SP4: variants seen among roughly 807,000 people sequenced by gnomAD.
SP4 encodes the protein transcription factor Sp4.
Under a neutral mutation model 72.8 loss-of-function variants are expected in SP4, and 19 were observed. The observed-to-expected ratio is 0.26, with a 90% CI of 0.18 to 0.38. SP4 has a LOEUF of 0.38. Ranked by LOEUF, SP4 falls within the 10% of genes least tolerant of loss-of-function variation. The probability of loss-of-function intolerance (pLI) is 1.00; values close to 1 mark genes in which losing one functional copy is unlikely to be tolerated. For missense variants in SP4, 1,008 were observed against 926.3 expected, an observed-to-expected ratio of 1.09 and a Z score of -1.14; for synonymous variants, 395 against 333.1, an observed-to-expected ratio of 1.19 and a Z score of -2.02.
At chr7:21,438,085 C>G (rs1783110158) in intron 3 of SP4, among the ~76,000 whole-genome samples, 1 of 150,458 alleles carries the variant, frequency 6.6e-6, no homozygotes, top group African/African-American at 2.5e-5. Flanking sequence ...CAAAGACAGA[C>G]TAGAGTTACA....
chr7:21,431,221 T>C (rs749078409), intron 3 of SP4, among the ~76,000 whole-genome samples: 6 of 152,218 alleles, frequency 3.9e-5, no homozygotes, highest in Non-Finnish European at 4.4e-5. Context: ...AGTTTTAAAC[T>C]GAATTGGTAT....
chr7:21,498,186 A>G (rs923321689), intron 5 of SP4, among the ~76,000 whole-genome samples: 2 of 152,212 alleles, frequency 1.3e-5, no homozygotes, highest in African/African-American at 4.8e-5. Context: ...TTGAAAAAAT[A>G]AAAACTGTAA....
Position 21,429,600 on chromosome 7 carries a change from T to G in SP4, c.435T>G (p.Ser145=), listed in dbSNP as rs1285227556. The G allele has an allele frequency of 4.3e-6, 7 of 1,614,078 alleles. No homozygotes were observed. The African/African-American group carries it at 9.3e-5, about 22-fold the overall frequency. The change falls in exon 3 of 6, where the codon TCT becomes TCG. Residue 145 remains serine (S), a synonymous_variant. Transcript: ENST00000222584. ...CTACAAAAACTAAATCAGGTAATTC[T>G]TCCACCCCTGGTCAATTTCAAGTCA... ...ASPTKTKSGN[S]STPGQFQVIQ... is the part of the protein sequence containing the mutation.
At chr7:21,444,223 C>T (rs960104164) in intron 3 of SP4, among the ~76,000 whole-genome samples, 1 of 152,196 alleles carries the variant, frequency 6.6e-6, no homozygotes, top group African/African-American at 2.4e-5. Flanking sequence ...TAACATGGGA[C>T]TGAACTCCTG....
intron 3 of SP4, among the ~76,000 whole-genome samples, chr7:21,474,251 T>C (rs1209026100): frequency 1.3e-5 from 2 of 152,188 alleles, no homozygotes; most frequent in Admixed American, 6.5e-5. Context: ...TAAATATTAT[T>C]GCGACCTTTA....
intron 3 of SP4, among the ~76,000 whole-genome samples, chr7:21,464,607 G>A (rs1450453227): frequency 4.7e-5 from 7 of 147,808 alleles, no homozygotes; most frequent in Non-Finnish European, 7.4e-5. Flanking sequence ...TAGAGATGGG[G>A]TCTTACTGTG....
chr7:21,491,354 T>C (rs997622241), intron 5 of SP4, among the ~76,000 whole-genome samples: 24 of 152,068 alleles, frequency 1.6e-4, no homozygotes, highest in African/African-American at 5.3e-4. Context: ...CACTGGAAAT[T>C]ATAAAATCTG....
chr7:21,477,247 C>T lies in SP4; in HGVS notation c.1847C>T (p.Pro616Leu). ...GQQTSDQEVQ[P>L]GKRLRRVACS... The stretch of plus-strand genomic sequence containing the variant: ...CAGACTTCTGATCAAGAGGTACAAC[C>T]TGGCAAGAGGCTTCGAAGAGTTGCC... Residue 616 changes from proline (P) to leucine (L), a missense_variant, in exon 4 of 6, where the codon CCT (proline) becomes CTT (leucine). Physicochemically the swap from Pro to Leu is moderately conservative, Grantham distance 98 (BLOSUM62 -3). Coordinates refer to ENST00000222584, the MANE Select transcript of SP4 (RefSeq NM_003112.5). The T allele has an allele frequency of 1.9e-6, 3 of 1,614,200 alleles. No homozygotes were observed. The highest frequency in any genetic ancestry group is 2.5e-6 in the Non-Finnish European group (3 of 1,180,018).
At chr7:21,473,164 A>G (rs1784399866) in intron 3 of SP4, among the ~76,000 whole-genome samples, 1 of 151,612 alleles carries the variant, frequency 6.6e-6, no homozygotes, top group Non-Finnish European at 1.5e-5. Flanking sequence ...GCACAGATTG[A>G]ACAAGGGCTT....
intron 5 of SP4, among the ~76,000 whole-genome samples, chr7:21,503,976 A>G (rs1343950026): frequency 2.0e-5 from 3 of 152,118 alleles, no homozygotes; most frequent in African/African-American, 7.2e-5. Context: ...TTATTTCAGG[A>G]AGTACCCATT....
At chr7:21,470,200 C>T (rs1440065422) in intron 3 of SP4, among the ~76,000 whole-genome samples, 2 of 152,190 alleles carry the variant, frequency 1.3e-5, no homozygotes, top group Non-Finnish European at 2.9e-5. Context: ...TTTAGATTAT[C>T]ATTCGCTTTA....
intron 3 of SP4, chr7:21,471,217 T>C (rs1035154773): frequency 2.1e-6 from 1 of 468,950 alleles, no homozygotes. Context: ...TAAGAAATAC[T>C]GACCTTATTG....
At chr7:21,493,516 A>T (rs1031626221) in intron 5 of SP4, among the ~76,000 whole-genome samples, 1 of 152,136 alleles carries the variant, frequency 6.6e-6, no homozygotes, top group East Asian at 1.9e-4. Flanking sequence ...AATTCAAAAT[A>T]AGAAGTTGGG....
chr7:21,504,418 T>A (rs150410121), intron 5 of SP4, among the ~76,000 whole-genome samples: 25 of 152,318 alleles, frequency 1.6e-4, no homozygotes, highest in African/African-American at 5.5e-4. Flanking sequence ...ATTTACAGAT[T>A]TGGGCTGACC....
chr7:21,474,884 A>G (rs975838603), intron 3 of SP4, among the ~76,000 whole-genome samples: 2 of 152,214 alleles, frequency 1.3e-5, no homozygotes, highest in African/African-American at 4.8e-5. Flanking sequence ...AAATTTTTTA[A>G]TGTGCATGTT....
At chr7:21,503,400 A>C (rs888318215) in intron 5 of SP4, among the ~76,000 whole-genome samples, 1 of 152,138 alleles carries the variant, frequency 6.6e-6, no homozygotes, top group Non-Finnish European at 1.5e-5. Context: ...ATTTGGTTCA[A>C]GGCATTTTAG....
intron 5 of SP4, among the ~76,000 whole-genome samples, chr7:21,501,841 C>T (rs1296760465): frequency 6.6e-6 from 1 of 152,192 alleles, no homozygotes; most frequent in East Asian, 1.9e-4. Flanking sequence ...CTAGCGCAAG[C>T]CTGTTTTCCC....
chr7:21,437,585 A>T (rs1330610906), intron 3 of SP4, among the ~76,000 whole-genome samples: 1 of 152,146 alleles, frequency 6.6e-6, no homozygotes, highest in African/African-American at 2.4e-5. Flanking sequence ...TGGTGCTTAT[A>T]TGATAGAACT....
intron 3 of SP4, among the ~76,000 whole-genome samples, chr7:21,453,690 A>G (rs1783669455): frequency 2.0e-5 from 3 of 152,234 alleles, no homozygotes; most frequent in African/African-American, 4.8e-5. Flanking sequence ...CTCATTTTGT[A>G]AGATTGTCAT....
Sources: allele counts gnomAD v4.1 joint callset (sites outside exome capture counted in the v4.1 genomes callset), GRCh38; gene constraint gnomAD v4.1.1; transcripts MANE v1.5; gene names NCBI Gene and HGNC (gene_info 2026-07-23, HGNC 2026-07-21).